The following PPM1L variants were observed in gnomAD, a reference collection of about 807,000 sequenced individuals.
The protein encoded by PPM1L is protein phosphatase, Mg2+/Mn2+ dependent 1L.
In PPM1L, 13 loss-of-function variants were observed where a neutral mutation model predicts 31.4. That is an observed-to-expected ratio of 0.41 (90% CI 0.27 to 0.66). PPM1L has a LOEUF of 0.66. PPM1L is among the 30% of genes least tolerant of loss of function. PPM1L has a pLI of 0.29. For missense variants in PPM1L, 326 were observed against 453.7 expected (o/e 0.72, Z 2.56); for synonymous variants, 184 against 175.4 (o/e 1.05, Z -0.39).
rs566520245 is a variant in PPM1L, at chr3:160,901,257, C to T, written c.400-60479C>T. On this transcript the variant is annotated intron_variant, in intron 1 of 3. Transcript: ENST00000498165. ...ACTTAACATGCTCCAAAATGAAGTC[C>T]TGGTCTCCCCACCCAAACCTGAACT... Among the ~76,000 whole-genome samples, 5 of 152,180 alleles carry T rather than the reference C, an allele frequency of 3.3e-5. No individual in the cohort carries two copies. The South Asian group carries it at 1.0e-3, about 32-fold the overall frequency.
chr3:160,864,142 A>G (rs1407892798), intron 1 of PPM1L, among the ~76,000 whole-genome samples: 1 of 152,130 alleles, frequency 6.6e-6, no homozygotes, highest in Non-Finnish European at 1.5e-5. Flanking sequence ...AAAAGGTCTT[A>G]GAACCTCATT....
intron 1 of PPM1L, among the ~76,000 whole-genome samples, chr3:160,909,551 T>C (rs1300510922): frequency 6.6e-6 from 1 of 152,176 alleles, no homozygotes; most frequent in Non-Finnish European, 1.5e-5. Flanking sequence ...AGAATAGAAA[T>C]CTGGGAACAT....
chr3:160,837,959 C>A (rs1362209967), intron 1 of PPM1L, among the ~76,000 whole-genome samples: 1 of 152,022 alleles, frequency 6.6e-6, no homozygotes, highest in Non-Finnish European at 1.5e-5. Flanking sequence ...TGTAGCCAGC[C>A]CTTGGTGTGG....
At chr3:161,027,642 C>T (rs1463226778) in intron 2 of PPM1L, among the ~76,000 whole-genome samples, 1 of 152,156 alleles carries the variant, frequency 6.6e-6, no homozygotes, top group Non-Finnish European at 1.5e-5. Context: ...GTCTCTCCCA[C>T]AACACGTGGG....
intron 1 of PPM1L, among the ~76,000 whole-genome samples, chr3:160,879,938 G>C (rs1712649551): frequency 6.6e-6 from 1 of 152,122 alleles, no homozygotes; most frequent in African/African-American, 2.4e-5. Context: ...TTGAGATGAT[G>C]CTTCCTTTCA....
chr3:160,883,881 CAAA>C (rs36011243), intron 1 of PPM1L, among the ~76,000 whole-genome samples: 2 of 106,384 alleles, frequency 1.9e-5, no homozygotes, highest in African/African-American at 4.3e-5. Flanking sequence ...CTTGTCTCTA[CAAA>C]AAAAAAAAAA....
chr3:161,009,578 CTGCAGCCTCTT>C (rs1717822742), intron 2 of PPM1L, among the ~76,000 whole-genome samples: 1 of 152,190 alleles, frequency 6.6e-6, no homozygotes, highest in South Asian at 2.1e-4. Flanking sequence ...AACAGCCTCT[CTGCAGCCTCTT>C]AAAATGCAGT....
intron 1 of PPM1L, among the ~76,000 whole-genome samples, chr3:160,866,917 T>C (rs1712111453): frequency 6.6e-6 from 1 of 152,196 alleles, no homozygotes; most frequent in Non-Finnish European, 1.5e-5. Flanking sequence ...CAATCACAGC[T>C]CACTCCAGCC....
intron 1 of PPM1L, among the ~76,000 whole-genome samples, chr3:160,919,991 T>G (rs566683802): frequency 6.6e-6 from 1 of 152,244 alleles, no homozygotes; most frequent in South Asian, 2.1e-4. Flanking sequence ...CTGTATTGCC[T>G]TGGACTCCCA....
chr3:160,923,641 G>A (rs898387947), intron 1 of PPM1L, among the ~76,000 whole-genome samples: 8 of 152,162 alleles, frequency 5.3e-5, no homozygotes, highest in African/African-American at 1.9e-4. Flanking sequence ...AAATAGAAAA[G>A]TAGTTAACCG....
intron 1 of PPM1L, among the ~76,000 whole-genome samples, chr3:160,927,608 G>A (rs1714640146): frequency 6.7e-6 from 1 of 149,368 alleles, no homozygotes; most frequent in African/African-American, 2.5e-5. Context: ...ATTTCCCTAT[G>A]TGTGTGTGTG....
intron 2 of PPM1L, among the ~76,000 whole-genome samples, chr3:161,056,521 T>A (rs1342298183): frequency 6.6e-6 from 1 of 151,864 alleles, no homozygotes; most frequent in Non-Finnish European, 1.5e-5. Context: ...TACAGAAAAA[T>A]ATAAAGAAGA....
Position 161,075,684 on chromosome 3 carries a change from A to T in PPM1L, c.*6527A>T, listed in dbSNP as rs889511081. On this transcript the variant is annotated 3_prime_UTR_variant, in exon 4 of 4. Coordinates refer to ENST00000498165, the MANE Select transcript of PPM1L (RefSeq NM_139245.4). Reference sequence around the variant, plus strand: ...AGCCCAAATCAAGGGAGAGTAATATAAAAGGAAATATTTTAAATTAAGAAA... The same window carrying T: ...AGCCCAAATCAAGGGAGAGTAATATTAAAGGAAATATTTTAAATTAAGAAA... 5.3e-5 allele frequency: 8 copies of T among 152,250 alleles called. No homozygotes were observed. The highest frequency in any genetic ancestry group is 1.9e-4 in the African/African-American group (8 of 41,458). 9.4% of individuals were successfully genotyped at this position (152,250 alleles called of 1,614,324 possible).
At chr3:160,873,181 A>G (rs950562583) in intron 1 of PPM1L, among the ~76,000 whole-genome samples, 11 of 152,190 alleles carry the variant, frequency 7.2e-5, no homozygotes, top group Admixed American at 7.2e-4. Context: ...CAGTAAAGCT[A>G]AGGCAAAGAG....
chr3:160,799,141 C>G (rs1269901752), intron 1 of PPM1L, among the ~76,000 whole-genome samples: 2 of 152,174 alleles, frequency 1.3e-5, no homozygotes, highest in East Asian at 3.8e-4. Context: ...GGTGAAGATG[C>G]TGTGAACATT....
chr3:160,800,394 C>CT (rs1712387334), intron 1 of PPM1L, among the ~76,000 whole-genome samples: 1 of 152,134 alleles, frequency 6.6e-6, no homozygotes, highest in South Asian at 2.1e-4. Flanking sequence ...ATCTTTAATA[C>CT]TTTTTTCCCC....
rs78707253 is a variant in PPM1L, at chr3:160,834,019, ATTT to A, written c.399+77332_399+77334del. Reference sequence around the variant, plus strand: ...CATATGGCTAGCAGTTCTCCCAGGAATTTTTTTTTTTTTTTTTTTTTTGAGACG... The same window carrying A: ...CATATGGCTAGCAGTTCTCCCAGGAATTTTTTTTTTTTTTTTTTTGAGACG... On this transcript the variant is annotated intron_variant, in intron 1 of 3. Transcript: ENST00000498165. 9.3e-3 allele frequency among the ~76,000 whole-genome samples: 1,199 copies of A among 128,692 alleles called. 14 individuals are homozygous for A. Among genetic ancestry groups the A allele is most frequent in the African/African-American group, 0.033 (1,116 of 33,316 alleles). 84.4% of individuals were successfully genotyped at this position (128,692 alleles called of 152,430 possible).
chr3:161,058,023 A>C (rs902661134), intron 2 of PPM1L, among the ~76,000 whole-genome samples: 1 of 151,664 alleles, frequency 6.6e-6, no homozygotes, highest in Non-Finnish European at 1.5e-5. Context: ...TAATTAATCC[A>C]AACGTCTTGT....
intron 1 of PPM1L, among the ~76,000 whole-genome samples, chr3:160,765,237 A>G (rs951563136): frequency 6.6e-6 from 1 of 152,186 alleles, no homozygotes; most frequent in African/African-American, 2.4e-5. Context: ...TGGTGAAACT[A>G]GGGTATGAAA....
Sources: gnomAD v4.1 joint callset for allele counts (sites outside exome capture counted in the v4.1 genomes callset) on GRCh38, gnomAD v4.1.1 for gene constraint, MANE v1.5 for transcripts, NCBI Gene and HGNC (gene_info 2026-07-23, HGNC 2026-07-21) for gene names.